ESRRG: variants seen among roughly 807,000 people sequenced by gnomAD.
ESRRG encodes estrogen-related receptor gamma.
A neutral mutation model predicts 44.0 loss-of-function variants in ESRRG; 13 were observed. The observed-to-expected ratio is 0.30, with a 90% CI of 0.19 to 0.47. The LOEUF is 0.47. ESRRG is among the 20% of genes least tolerant of loss of function. The pLI is 1.00. For missense variants in ESRRG, 395 were observed against 580.6 expected (o/e 0.68, Z 3.29); for synonymous variants, 215 against 214.6 (o/e 1.00, Z -0.02).
At chr1:216,511,521 A>G (rs1309213494) in intron 6 of ESRRG, among the ~76,000 whole-genome samples, 1 of 133,516 alleles carries the variant, frequency 7.5e-6, no homozygotes, top group African/African-American at 2.7e-5. Context: ...ACTAGGTGAC[A>G]GGGTATTCCC....
intron 6 of ESRRG, among the ~76,000 whole-genome samples, chr1:216,515,963 T>G (rs2044135962): frequency 6.6e-6 from 1 of 152,026 alleles, no homozygotes; most frequent in Non-Finnish European, 1.5e-5. Flanking sequence ...TATTTTCTAA[T>G]ATATAAATGA....
intron 2 of ESRRG, among the ~76,000 whole-genome samples, chr1:216,892,270 T>A (rs570251522): frequency 6.6e-6 from 1 of 152,226 alleles, no homozygotes; most frequent in African/African-American, 2.4e-5. Context: ...TATGATACTT[T>A]AGGGGCAAAT....
At chr1:216,748,433 T>C (rs2091659218) in intron 2 of ESRRG, among the ~76,000 whole-genome samples, 1 of 152,142 alleles carries the variant, frequency 6.6e-6, no homozygotes, top group African/African-American at 2.4e-5. Flanking sequence ...GTGGCCTTGC[T>C]TTCTCTCCCT....
intron 2 of ESRRG, among the ~76,000 whole-genome samples, chr1:216,908,257 AG>A (rs1259892987): frequency 6.6e-6 from 1 of 152,208 alleles, no homozygotes; most frequent in Non-Finnish European, 1.5e-5. Context: ...AGCTTTCCTG[AG>A]GGAAGCTATC....
intron 2 of ESRRG, among the ~76,000 whole-genome samples, chr1:216,891,498 A>G (rs149846125): frequency 2.0e-5 from 3 of 152,222 alleles, no homozygotes; most frequent in South Asian, 2.1e-4. Flanking sequence ...ACACACGTAC[A>G]TATTAGGTGG....
chr1:216,512,890 T>C (rs535451755), intron 6 of ESRRG, among the ~76,000 whole-genome samples: 1 of 152,136 alleles, frequency 6.6e-6, no homozygotes, highest in Admixed American at 6.5e-5. Flanking sequence ...ATGTTACCAC[T>C]GAGGCAAAAT....
intron 1 of ESRRG, among the ~76,000 whole-genome samples, chr1:216,946,377 C>G (rs2066058538): frequency 6.6e-6 from 1 of 152,166 alleles, no homozygotes; most frequent in African/African-American, 2.4e-5. Context: ...TGAAAACAAA[C>G]CCACACACAA....
At chr1:216,641,316 A>C (rs2066377050) in intron 3 of ESRRG, among the ~76,000 whole-genome samples, 1 of 152,236 alleles carries the variant, frequency 6.6e-6, no homozygotes, top group Admixed American at 6.5e-5. Flanking sequence ...ATATACATAA[A>C]TATAAAATTG....
intron 3 of ESRRG, among the ~76,000 whole-genome samples, chr1:216,636,175 A>T (rs1269387466): frequency 6.6e-6 from 1 of 152,204 alleles, no homozygotes; most frequent in Non-Finnish European, 1.5e-5. Flanking sequence ...AAATTCTATG[A>T]TCTTACTAGT....
At chr1:216,816,288 G>A (rs779672110) in intron 2 of ESRRG, among the ~76,000 whole-genome samples, 2 of 152,058 alleles carry the variant, frequency 1.3e-5, no homozygotes, top group Non-Finnish European at 2.9e-5. Flanking sequence ...CATAATTGTG[G>A]ACTTAATAGG....
chr1:216,637,852 T>G (rs2065607561), intron 3 of ESRRG, among the ~76,000 whole-genome samples: 1 of 152,120 alleles, frequency 6.6e-6, no homozygotes, highest in African/African-American at 2.4e-5. Flanking sequence ...AAAACAGGAC[T>G]TCTGAAATAC....
At chr1:217,020,340 G>T (rs1209695767) in intron 1 of ESRRG, among the ~76,000 whole-genome samples, 2 of 152,178 alleles carry the variant, frequency 1.3e-5, no homozygotes, top group Non-Finnish European at 2.9e-5. Context: ...ATCAGACACA[G>T]TCTATCTTCT....
chr1:217,119,221 G>C, intron 1 of ESRRG, among the ~76,000 whole-genome samples: 1 of 152,124 alleles, frequency 6.6e-6, no homozygotes, highest in Non-Finnish European at 1.5e-5. Context: ...TCAATTTTAA[G>C]GTGTCCACAT....
rs11572521 is a variant in ESRRG, at chr1:216,908,172, C to T, written c.-14+31410G>A. 7.3e-3 allele frequency among the ~76,000 whole-genome samples: 1,116 copies of T among 152,276 alleles called. 12 individuals are homozygous for T. Among genetic ancestry groups the T allele is most frequent in the African/African-American group, 0.025 (1,050 of 41,556 alleles). Reference sequence around the variant, plus strand: ...AAACAAGAGTATAATCCATCCTTGTCGGAAGTCACAGTGGACTTGCTGGCA... The same window carrying T: ...AAACAAGAGTATAATCCATCCTTGTTGGAAGTCACAGTGGACTTGCTGGCA... On this transcript the variant is annotated intron_variant, in intron 2 of 7. Coordinates refer to the ESRRG transcript ENST00000359162.
At chr1:216,920,779 C>T (rs1408265862) in intron 2 of ESRRG, among the ~76,000 whole-genome samples, 2 of 152,118 alleles carry the variant, frequency 1.3e-5, no homozygotes. Flanking sequence ...AGGATCTGTC[C>T]TGGAACATGA....
intron 3 of ESRRG, among the ~76,000 whole-genome samples, chr1:216,625,423 C>CA (rs57817803): frequency 0.014 from 1,590 of 115,686 alleles, 32 homozygotes; most frequent in South Asian, 0.019. Flanking sequence ...GCTCATTTGG[C>CA]AAAAAAAAAA....
At chr1:216,791,502 T>G (rs2094318937) in intron 2 of ESRRG, among the ~76,000 whole-genome samples, 1 of 152,066 alleles carries the variant, frequency 6.6e-6, no homozygotes. Context: ...GCAGGAATGA[T>G]CTAATACACA....
intron 2 of ESRRG, among the ~76,000 whole-genome samples, chr1:216,817,353 G>A (rs2095171044): frequency 6.6e-6 from 1 of 152,152 alleles, no homozygotes; most frequent in African/African-American, 2.4e-5. Flanking sequence ...AAATGAATTA[G>A]GAACACATTG....
At chr1:217,051,210 G>T (rs865975938) in intron 1 of ESRRG, among the ~76,000 whole-genome samples, 9 of 110,782 alleles carry the variant, frequency 8.1e-5, no homozygotes, top group Non-Finnish European at 1.4e-4. Context: ...GGGGCGGGGG[G>T]GGGGGGTGCC....
Sources: allele counts gnomAD v4.1 joint callset (sites outside exome capture counted in the v4.1 genomes callset), GRCh38; gene constraint gnomAD v4.1.1; transcripts MANE v1.5; gene names NCBI Gene and HGNC (gene_info 2026-07-23, HGNC 2026-07-21).